Variants in NFYC observed in about 807,000 individuals in gnomAD.
NFYC encodes the protein CAAT box DNA-binding protein subunit C.
NFYC carries 25 observed loss-of-function variants against 53.1 expected under a neutral mutation model. That is an observed-to-expected ratio of 0.47 (90% CI 0.34 to 0.66). The LOEUF (loss-of-function observed/expected upper bound fraction) is 0.66. Among genes scored for constraint, NFYC ranks in the 30% least tolerant of loss-of-function variants. The pLI, the probability that NFYC is intolerant of heterozygous loss-of-function variation, is 0.01. For missense variants in NFYC, 260 were observed against 422.7 expected, an observed-to-expected ratio of 0.62 and a Z score of 3.38; for synonymous variants, 145 against 152.6, an observed-to-expected ratio of 0.95 and a Z score of 0.37.
intron 1 of NFYC, among the ~76,000 whole-genome samples, chr1:40,722,926 A>G (rs1644379369): frequency 6.6e-6 from 1 of 152,254 alleles, no homozygotes; most frequent in African/African-American, 2.4e-5. Flanking sequence ...CAGCTTAAAC[A>G]GTGCAAAAAG....
At chr1:40,701,337 A>ACT (rs1557734649) in intron 1 of NFYC, among the ~76,000 whole-genome samples, 1 of 151,734 alleles carries the variant, frequency 6.6e-6, no homozygotes, top group Non-Finnish European at 1.5e-5. Flanking sequence ...CTGGTCTCAA[A>ACT]CTCCTGACTT....
At chr1:40,727,607 T>G (rs1242528569) in intron 1 of NFYC, among the ~76,000 whole-genome samples, 1 of 151,096 alleles carries the variant, frequency 6.6e-6, no homozygotes. Context: ...TTCGGCTCAC[T>G]GCAACCTCCG....
In NFYC at chr1:40,769,360, C is replaced by T; in HGVS notation, c.833C>T (p.Thr278Ile). The T allele has an allele frequency of 1.2e-6, 2 of 1,614,058 alleles. No individual in the cohort carries two copies. The highest frequency in any genetic ancestry group is 1.7e-6 in the Non-Finnish European group (2 of 1,179,964). The change falls in exon 9 of 10, where the codon ACA becomes ATA. Residue 278 changes from threonine to isoleucine, a missense_variant. Thr to Ile is a moderately conservative substitution (Grantham distance 89). Coordinates refer to ENST00000447388, the MANE Select transcript of NFYC (RefSeq NM_014223.5). The stretch of plus-strand genomic sequence containing the variant: ...CTACCATCTTGATTCTTACAGATTA[C>T]ACAGACAGAGGTCCAGCAAGGACAG... ...QTLATNAQQI[T>I]QTEVQQGQQQ...
chr1:40,698,672 C>T (rs1643277117), intron 1 of NFYC, among the ~76,000 whole-genome samples: 1 of 151,970 alleles, frequency 6.6e-6, no homozygotes, highest in East Asian at 1.9e-4. Context: ...AGGTGATCTG[C>T]CTGCCTCAGC....
chr1:40,727,879 AG>A (rs1248103820), intron 1 of NFYC, among the ~76,000 whole-genome samples: 3 of 94,764 alleles, frequency 3.2e-5, no homozygotes, highest in African/African-American at 9.0e-5. Flanking sequence ...CCTGTCTAGA[AG>A]GTTTTCAGTT....
rs762151390 is a variant in NFYC, at chr1:40,770,640, G to A, written c.889-69G>A. The A allele has an allele frequency of 7.4e-6, 12 of 1,613,886 alleles. No individual in the cohort carries two copies. The highest frequency in any genetic ancestry group is 3.3e-5 in the South Asian group (3 of 91,076). On this transcript the variant is annotated intron_variant, in intron 9 of 9. Transcript: ENST00000447388. This position sits in a 1 kb window ranked among gnomAD's most constrained non-coding sequence, Gnocchi z 5.3. Reference sequence around the variant, plus strand: ...GGTATCTGGGACCCCCAACCAGCTCGAGACCCATAGGGAGCTGCATGCCCC... The same window carrying A: ...GGTATCTGGGACCCCCAACCAGCTCAAGACCCATAGGGAGCTGCATGCCCC...
chr1:40,701,156 G>T (rs1225329803), intron 1 of NFYC, among the ~76,000 whole-genome samples: 1 of 152,098 alleles, frequency 6.6e-6, no homozygotes, highest in Non-Finnish European at 1.5e-5. Flanking sequence ...GAGTGCATTG[G>T]TGCAATCTTG....
At chr1:40,744,188 C>A (rs756416407) in intron 2 of NFYC, among the ~76,000 whole-genome samples, 7 of 152,180 alleles carry the variant, frequency 4.6e-5, no homozygotes, top group Non-Finnish European at 1.0e-4. Flanking sequence ...CTATCATGAA[C>A]TGCGCATGTG....
rs1169033420 is a variant in NFYC, at chr1:40,770,325, T to A, written c.889-384T>A. 1 of 1,412,292 alleles carries A rather than the reference T, an allele frequency of 7.1e-7. No individual in the cohort carries two copies. The highest frequency in any genetic ancestry group is 9.6e-7 in the Non-Finnish European group (1 of 1,044,536). The allele number at this position is 1,412,292 out of a possible 1,614,324, so 87.5% of individuals were successfully genotyped here. A position where few individuals can be genotyped will look rare whatever the true frequency, so the allele number is the denominator to read the frequency against. On this transcript the variant is annotated intron_variant, in intron 9 of 9. Transcript: ENST00000447388. The surrounding 1 kb of genome is among the most constrained non-coding windows in gnomAD (Gnocchi z 5.3). ...TCCTACTGCCCCTGCCAGTGTAGAT[T>A]ACCAAGAGTTGGGGAAATGCTGACT...
intron 1 of NFYC, among the ~76,000 whole-genome samples, chr1:40,737,902 T>TC (rs1491196342): frequency 4.1e-4 from 7 of 17,206 alleles, no homozygotes; most frequent in Middle Eastern, 0.036. Flanking sequence ...GCTCTCTCTC[T>TC]TTTTTTTTTT....
At chr1:40,744,706 G>T (rs1260451218) in intron 2 of NFYC, among the ~76,000 whole-genome samples, 1 of 152,176 alleles carries the variant, frequency 6.6e-6, no homozygotes, top group African/African-American at 2.4e-5. Flanking sequence ...AAAAGTAGGG[G>T]GGAGCAGTGT....
chr1:40,727,961 C>G (rs1330142497), intron 1 of NFYC, among the ~76,000 whole-genome samples: 1 of 152,074 alleles, frequency 6.6e-6, no homozygotes, highest in Non-Finnish European at 1.5e-5. Flanking sequence ...ATTTCTGAGA[C>G]AGAGTCTCAC....
At chr1:40,742,679 A>G (rs763616780) in intron 2 of NFYC, among the ~76,000 whole-genome samples, 4 of 152,228 alleles carry the variant, frequency 2.6e-5, no homozygotes, top group Non-Finnish European at 5.9e-5. Context: ...AATGTCTGGC[A>G]TGTAGTAGGT....
intron 6 of NFYC, among the ~76,000 whole-genome samples, chr1:40,759,233 TAAAA>T (rs11429236): frequency 7.2e-6 from 1 of 138,926 alleles, no homozygotes; most frequent in East Asian, 2.1e-4. Flanking sequence ...CTTCTTTAAT[TAAAA>T]AAAAAAAAAA....
At position 40,698,574 on chromosome 1, in the gene NFYC, C is replaced by T. The variant is rs138859996; in HGVS notation, c.-9+6707C>T. On this transcript the variant is annotated intron_variant, in intron 1 of 9. Coordinates refer to ENST00000447388, the MANE Select transcript of NFYC (RefSeq NM_014223.5). ...CCTGAGTAGCTTGGGACTACAGGTG[C>T]GTGCCACCACACCTGGCTAATTTTT... Among the ~76,000 whole-genome samples, 753 of 151,308 alleles carry T rather than the reference C, an allele frequency of 5.0e-3. 5 individuals are homozygous for T. Among genetic ancestry groups the T allele is most frequent in the African/African-American group, 0.018 (729 of 41,284 alleles).
chr1:40,720,619 C>T (rs1436526573), intron 1 of NFYC, among the ~76,000 whole-genome samples: 1 of 152,190 alleles, frequency 6.6e-6, no homozygotes, highest in African/African-American at 2.4e-5. Flanking sequence ...GTAATCCCAG[C>T]ACTTTGGCAG....
At chr1:40,714,299 A>G (rs1644042773) in intron 1 of NFYC, among the ~76,000 whole-genome samples, 1 of 152,204 alleles carries the variant, frequency 6.6e-6, no homozygotes, top group African/African-American at 2.4e-5. Flanking sequence ...TAGACACCCA[A>G]AATAATATCT....
intron 1 of NFYC, among the ~76,000 whole-genome samples, chr1:40,728,824 G>T (rs1219446397): frequency 6.6e-6 from 1 of 152,036 alleles, no homozygotes; most frequent in Non-Finnish European, 1.5e-5. Context: ...TTTTAATGGA[G>T]ACTGGGTTTC....
intron 5 of NFYC, among the ~76,000 whole-genome samples, chr1:40,756,829 G>A (rs1646251774): frequency 6.6e-6 from 1 of 152,200 alleles, no homozygotes; most frequent in African/African-American, 2.4e-5. Flanking sequence ...CTGGGAACGC[G>A]GGGGATAGCA....
Sources: allele counts gnomAD v4.1 joint callset (sites outside exome capture counted in the v4.1 genomes callset), GRCh38; gene constraint gnomAD v4.1.1; non-coding constraint Gnocchi (gnomAD v3.1); transcripts MANE v1.5; gene names NCBI Gene and HGNC (gene_info 2026-07-23, HGNC 2026-07-21).